Variants in CREBBP observed in about 807,000 individuals in gnomAD.
CREBBP encodes CREB binding lysine acetyltransferase, also known as CREB-binding protein.
In CREBBP, 19 loss-of-function variants were observed where a neutral mutation model predicts 265.0. The ratio of observed to expected loss-of-function variants is 0.07; its 90% CI spans 0.05 to 0.11. The LOEUF is 0.11. CREBBP is among the 10% of genes least tolerant of loss of function. The probability of loss-of-function intolerance (pLI) is 1.00; values close to 1 mark genes in which losing one functional copy is unlikely to be tolerated. For missense variants in CREBBP, 2,525 were observed against 3,219.0 expected (o/e 0.78, Z 5.22); for synonymous variants, 1,457 against 1,223.7 (o/e 1.19, Z -3.98).
intron 26 of CREBBP, chr16:3,737,043 C>A (rs941700571): frequency 1.2e-5 from 7 of 596,756 alleles, no homozygotes; most frequent in South Asian, 9.8e-5. Context: ...GGTGCACACA[C>A]AGGGCAGGGC....
chr16:3,737,873 C>A (rs11860724), intron 26 of CREBBP, among the ~76,000 whole-genome samples: 1 of 151,788 alleles, frequency 6.6e-6, no homozygotes, highest in Non-Finnish European at 1.5e-5. Flanking sequence ...TGCAACCCCC[C>A]GCCTCCTGGA....
rs186164624 is a variant in CREBBP, at chr16:3,777,076, C to T, written c.2158+537G>A. Among the ~76,000 whole-genome samples the T allele has an allele frequency of 3.8e-3, 579 of 152,032 alleles. 5 individuals carry two copies. Among genetic ancestry groups the T allele is most frequent in the African/African-American group, 0.014 (560 of 41,480 alleles). On this transcript the variant is annotated intron_variant, in intron 11 of 30. Coordinates refer to ENST00000262367, the MANE Select transcript of CREBBP (RefSeq NM_004380.3). ...AAAAAGCTAAGGCCGGGTGCAGTGG[C>T]TCACTCCTGTAATCCCAGCACTTTG...
At chr16:3,780,053 C>A (rs2053237127) in intron 8 of CREBBP, among the ~76,000 whole-genome samples, 2 of 151,860 alleles carry the variant, frequency 1.3e-5, no homozygotes, top group Non-Finnish European at 2.9e-5. Context: ...ACCAGCCTGG[C>A]CAGCGTGGTG....
At chr16:3,879,735 C>A in intron 1 of CREBBP, 97 bp downstream of exon 1, 1 of 1,327,636 alleles carries the variant, frequency 7.5e-7, no homozygotes, top group Admixed American at 2.0e-5. Context: ...GAGCTCCCGG[C>A]TCGATCGGTA....
intron 21 of CREBBP, among the ~76,000 whole-genome samples, chr16:3,748,872 G>A (rs886136999): frequency 4.6e-5 from 7 of 152,278 alleles, no homozygotes; most frequent in Admixed American, 3.3e-4. Context: ...AGGGCCGGGC[G>A]CGGTGGCTCA....
chr16:3,806,672 G>A (rs2053836918), intron 3 of CREBBP, among the ~76,000 whole-genome samples: 1 of 152,044 alleles, frequency 6.6e-6, no homozygotes, highest in Non-Finnish European at 1.5e-5. Flanking sequence ...ACTTCCAGAA[G>A]GATCGCCCTT....
intron 8 of CREBBP, 26 bp downstream of exon 8, chr16:3,780,706 T>G (rs1257974915): frequency 6.2e-7 from 1 of 1,612,984 alleles, no homozygotes; most frequent in South Asian, 1.1e-5. Flanking sequence ...ATCAAACATC[T>G]ATGAAACTGC....
At chr16:3,856,508 A>T (rs1305599652) in intron 1 of CREBBP, among the ~76,000 whole-genome samples, 2 of 151,918 alleles carry the variant, frequency 1.3e-5, no homozygotes, top group Non-Finnish European at 2.9e-5. Context: ...TTTTGTAGAG[A>T]TGGGGTCTTG....
chr16:3,769,050 C>CA, intron 15 of CREBBP, 124 bp downstream of exon 15: 1 of 1,138,848 alleles, frequency 8.8e-7, no homozygotes, highest in Non-Finnish European at 1.3e-6. Context: ...ACCCCGAACC[C>CA]ACATTCAAAC....
chr16:3,789,501 G>C (rs987302478), intron 5 of CREBBP, among the ~76,000 whole-genome samples: 1 of 152,158 alleles, frequency 6.6e-6, no homozygotes, highest in African/African-American at 2.4e-5. Context: ...TCGGTCCTTT[G>C]AGGGAGGTCA....
chr16:3,879,265 A>C (rs1360045117), intron 1 of CREBBP, among the ~76,000 whole-genome samples: 2 of 148,592 alleles, frequency 1.3e-5, no homozygotes, highest in East Asian at 3.9e-4. Flanking sequence ...CACACACAAA[A>C]CAAGGAGTTT....
In CREBBP at chr16:3,756,163, T is replaced by C. The variant is rs184960266; in HGVS notation, c.3698+1125A>G. On this transcript the variant is annotated intron_variant, in intron 19 of 30. Coordinates refer to ENST00000262367, the MANE Select transcript of CREBBP (RefSeq NM_004380.3). Reference sequence around the variant, plus strand: ...TTACTCTGACCAAATGAGAGTAAAATAATAAAAAACGCCAAACCCCACTGT... The same window carrying C: ...TTACTCTGACCAAATGAGAGTAAAACAATAAAAAACGCCAAACCCCACTGT... Among the ~76,000 whole-genome samples, 16 of 152,276 alleles carry C rather than the reference T, an allele frequency of 1.1e-4. 1 individual carries two copies. Among genetic ancestry groups the C allele is most frequent in the Admixed American group, 1.0e-3 (16 of 15,290 alleles).
At chr16:3,811,594 C>G (rs1455881140) in intron 2 of CREBBP, among the ~76,000 whole-genome samples, 1 of 152,118 alleles carries the variant, frequency 6.6e-6, no homozygotes, top group East Asian at 1.9e-4. Context: ...TGGGTTCAAG[C>G]GATTCTCTTG....
intron 3 of CREBBP, among the ~76,000 whole-genome samples, chr16:3,794,575 A>G (rs1037172958): frequency 1.3e-5 from 2 of 152,168 alleles, no homozygotes; most frequent in East Asian, 1.9e-4. Context: ...TTCTTGTCCT[A>G]TGCTTTGTTT....
chr16:3,829,002 C>A (rs2054291938), intron 2 of CREBBP, among the ~76,000 whole-genome samples: 1 of 151,854 alleles, frequency 6.6e-6, no homozygotes, highest in East Asian at 1.9e-4. Flanking sequence ...CTTGCTCATA[C>A]CTGGATCACA....
intron 2 of CREBBP, among the ~76,000 whole-genome samples, chr16:3,841,704 C>T (rs940907578): frequency 3.3e-5 from 5 of 152,128 alleles, no homozygotes; most frequent in African/African-American, 1.2e-4. Context: ...GTAGATTAGT[C>T]ATTTCTTAGC....
chr16:3,875,491 G>C, intron 1 of CREBBP, among the ~76,000 whole-genome samples: 1 of 152,124 alleles, frequency 6.6e-6, no homozygotes, highest in East Asian at 1.9e-4. Context: ...GAACCAGAGG[G>C]AAAAGGGGGA....
At chr16:3,879,028 C>CTTTAA (rs2055461677) in intron 1 of CREBBP, among the ~76,000 whole-genome samples, 1 of 7,226 alleles carries the variant, frequency 1.4e-4, no homozygotes, top group African/African-American at 1.7e-4. Context: ...TTCCTACATT[C>CTTTAA]CTTAATTCTT....
intron 8 of CREBBP, 59 bp downstream of exon 8, chr16:3,780,673 C>G: frequency 6.3e-7 from 1 of 1,584,872 alleles, no homozygotes; most frequent in Non-Finnish European, 8.6e-7. Flanking sequence ...CATCTGGTAG[C>G]CAATGGGCAA....
Sources: gnomAD v4.1 joint callset for allele counts (sites outside exome capture counted in the v4.1 genomes callset) on GRCh38, gnomAD v4.1.1 for gene constraint, MANE v1.5 for transcripts, NCBI Gene and HGNC (gene_info 2026-07-23, HGNC 2026-07-21) for gene names.